Variants in TAFA1 observed in about 807,000 individuals in gnomAD.
TAFA1 encodes chemokine-like protein TAFA-1.
TAFA1 carries 4 observed loss-of-function variants against 18.5 expected under a neutral mutation model. The observed-to-expected ratio is 0.22, with a 90% CI of 0.11 to 0.49. The LOEUF (loss-of-function observed/expected upper bound fraction) is 0.49. Ranked by LOEUF, TAFA1 falls within the 20% of genes least tolerant of loss-of-function variation. The probability of loss-of-function intolerance (pLI) is 0.98; values close to 1 mark genes in which losing one functional copy is unlikely to be tolerated. For synonymous variants in TAFA1, 56 were observed against 55.2 expected (o/e 1.01, Z -0.06); for missense variants, 147 against 169.0 (o/e 0.87, Z 0.72).
At chr3:68,103,956 C>G (rs2065177594) in intron 2 of TAFA1, among the ~76,000 whole-genome samples, 1 of 152,164 alleles carries the variant, frequency 6.6e-6, no homozygotes, top group Non-Finnish European at 1.5e-5. Context: ...CTTCAGACAG[C>G]TTCTTCCCAT....
chr3:68,342,260 A>G (rs1490462805), intron 2 of TAFA1, among the ~76,000 whole-genome samples: 2 of 152,224 alleles, frequency 1.3e-5, no homozygotes, highest in Non-Finnish European at 2.9e-5. Context: ...AATGTAAGAA[A>G]GTACTAGAAA....
At chr3:68,541,809 C>A (rs1222583119) in intron 4 of TAFA1, among the ~76,000 whole-genome samples, 1 of 152,112 alleles carries the variant, frequency 6.6e-6, no homozygotes, top group East Asian at 1.9e-4. Flanking sequence ...AAGACTGTTC[C>A]AAACCTTCAT....
At chr3:68,534,336 T>G (rs1387778758) in intron 3 of TAFA1, among the ~76,000 whole-genome samples, 1 of 152,232 alleles carries the variant, frequency 6.6e-6, no homozygotes, top group Admixed American at 6.5e-5. Flanking sequence ...AAGCCCCTAT[T>G]CTTTCTGTAA....
chr3:68,438,010 A>T (rs1454788106), intron 3 of TAFA1, among the ~76,000 whole-genome samples: 2 of 152,130 alleles, frequency 1.3e-5, no homozygotes, highest in Non-Finnish European at 2.9e-5. Context: ...GGCTAGAAGA[A>T]AGGAGTAACA....
intron 2 of TAFA1, among the ~76,000 whole-genome samples, chr3:68,393,503 G>A (rs2070306144): frequency 6.6e-6 from 1 of 151,962 alleles, no homozygotes; most frequent in Non-Finnish European, 1.5e-5. Flanking sequence ...TCCTCCCTAA[G>A]TTATTTTATG....
chr3:68,204,538 T>C (rs1383572125), intron 2 of TAFA1, among the ~76,000 whole-genome samples: 1 of 151,914 alleles, frequency 6.6e-6, no homozygotes, highest in Non-Finnish European at 1.5e-5. Flanking sequence ...GGGATTTTTT[T>C]ATAGATAGTT....
intron 2 of TAFA1, among the ~76,000 whole-genome samples, chr3:68,334,491 A>C (rs1380400707): frequency 6.6e-6 from 1 of 152,182 alleles, no homozygotes; most frequent in Non-Finnish European, 1.5e-5. Flanking sequence ...TTACTTAAGC[A>C]ATGTATAAGT....
chr3:68,539,858 C>G (rs1304954273), intron 4 of TAFA1, among the ~76,000 whole-genome samples: 1 of 152,060 alleles, frequency 6.6e-6, no homozygotes, highest in Non-Finnish European at 1.5e-5. Context: ...CTCCTAGCCT[C>G]AAGCTATCTT....
At chr3:68,188,522 T>TAGAG (rs56352696) in intron 2 of TAFA1, among the ~76,000 whole-genome samples, 128 of 143,934 alleles carry the variant, frequency 8.9e-4, no homozygotes, top group East Asian at 1.8e-3. Context: ...TATATATATA[T>TAGAG]AGAGAGAGAG....
intron 2 of TAFA1, among the ~76,000 whole-genome samples, chr3:68,099,020 G>T (rs1401338029): frequency 6.6e-6 from 1 of 152,102 alleles, no homozygotes; most frequent in Non-Finnish European, 1.5e-5. Flanking sequence ...ATGAATTAAA[G>T]ACTTAAATTT....
chr3:68,079,573 T>C (rs1351323656), intron 2 of TAFA1, among the ~76,000 whole-genome samples: 14 of 152,128 alleles, frequency 9.2e-5, no homozygotes, highest in South Asian at 2.1e-4. Context: ...GTTATGTACC[T>C]AGTAGTCATT....
intron 2 of TAFA1, among the ~76,000 whole-genome samples, chr3:68,412,580 A>G (rs1399437918): frequency 6.6e-6 from 1 of 151,990 alleles, no homozygotes; most frequent in Non-Finnish European, 1.5e-5. Context: ...CCTGTGTCCA[A>G]GTGTTCTCAT....
At chr3:68,494,215 C>T (rs2072502575) in intron 3 of TAFA1, among the ~76,000 whole-genome samples, 1 of 152,172 alleles carries the variant, frequency 6.6e-6, no homozygotes, top group East Asian at 1.9e-4. Context: ...GATTCTCCTG[C>T]CTCAGCCTCC....
chr3:68,432,805 G>A (rs1421967380), intron 3 of TAFA1, among the ~76,000 whole-genome samples: 1 of 152,014 alleles, frequency 6.6e-6, no homozygotes, highest in African/African-American at 2.4e-5. Flanking sequence ...TCATATGCAT[G>A]ATGGAATTAA....
intron 2 of TAFA1, among the ~76,000 whole-genome samples, chr3:68,068,783 G>C (rs115164118): frequency 0.016 from 2,415 of 152,118 alleles, 67 homozygotes; most frequent in African/African-American, 0.055. Flanking sequence ...GTTTAGTCTT[G>C]TTCCTTTGTA....
intron 2 of TAFA1, among the ~76,000 whole-genome samples, chr3:68,237,043 A>G (rs999602086): frequency 2.0e-5 from 3 of 152,342 alleles, no homozygotes; most frequent in South Asian, 2.1e-4. Flanking sequence ...ACAACACAAG[A>G]TATACAAGAT....
At chr3:68,314,623 C>G (rs1173061599) in intron 2 of TAFA1, among the ~76,000 whole-genome samples, 7 of 152,162 alleles carry the variant, frequency 4.6e-5, no homozygotes, top group Non-Finnish European at 4.4e-5. Flanking sequence ...GGCTACTAGT[C>G]AATGAATAAG....
chr3:68,198,557 T>A (rs2066437749), intron 2 of TAFA1, among the ~76,000 whole-genome samples: 1 of 151,616 alleles, frequency 6.6e-6, no homozygotes, highest in African/African-American at 2.4e-5. Context: ...GTGTTCTGAA[T>A]TTTGGCCATT....
intron 2 of TAFA1, among the ~76,000 whole-genome samples, chr3:68,382,645 T>A (rs1302131142): frequency 6.6e-6 from 1 of 152,272 alleles, no homozygotes; most frequent in Middle Eastern, 3.4e-3. Flanking sequence ...TCAGGTAGCG[T>A]GATGCCTCCA....
Sources: gnomAD v4.1 joint callset for allele counts (sites outside exome capture counted in the v4.1 genomes callset) on GRCh38, gnomAD v4.1.1 for gene constraint, MANE v1.5 for transcripts, NCBI Gene and HGNC (gene_info 2026-07-23, HGNC 2026-07-21) for gene names.